Variants in ASAP1 observed in about 807,000 individuals in gnomAD.
The protein encoded by ASAP1 is ArfGAP with SH3 domain, ankyrin repeat and PH domain 1.
A neutral mutation model predicts 145.2 loss-of-function variants in ASAP1; 43 were observed. The ratio of observed to expected loss-of-function variants is 0.30; its 90% CI spans 0.23 to 0.38. ASAP1 has a LOEUF of 0.38. ASAP1 is among the 10% of genes least tolerant of loss of function. The probability of loss-of-function intolerance (pLI) is 1.00; values close to 1 mark genes in which losing one functional copy is unlikely to be tolerated. For synonymous variants in ASAP1, 546 were observed against 515.5 expected (o/e 1.06, Z -0.80); for missense variants, 1,018 against 1,355.3 (o/e 0.75, Z 3.91).
At chr8:130,185,465 C>T (rs577031994) in intron 7 of ASAP1, among the ~76,000 whole-genome samples, 1 of 152,264 alleles carries the variant, frequency 6.6e-6, no homozygotes, top group Non-Finnish European at 1.5e-5. Flanking sequence ...GGCATGGTGG[C>T]TCACGCCTGT....
chr8:130,165,774 C>A (rs2097678735), intron 11 of ASAP1, among the ~76,000 whole-genome samples: 1 of 152,092 alleles, frequency 6.6e-6, no homozygotes, highest in East Asian at 1.9e-4. Context: ...ATTTGGAGAA[C>A]CAGAAAAATA....
intron 27 of ASAP1, among the ~76,000 whole-genome samples, chr8:130,061,909 T>C (rs1394010192): frequency 6.6e-6 from 1 of 152,226 alleles, no homozygotes; most frequent in Admixed American, 6.5e-5. Context: ...ACTATGGACA[T>C]GTCTCCAATT....
At chr8:130,310,331 G>A (rs1019661828) in intron 3 of ASAP1, among the ~76,000 whole-genome samples, 1 of 152,052 alleles carries the variant, frequency 6.6e-6, no homozygotes, top group Non-Finnish European at 1.5e-5. Context: ...AAATTAAAAG[G>A]ACTGTTTTAA....
At chr8:130,226,155 G>A (rs548204163) in intron 4 of ASAP1, among the ~76,000 whole-genome samples, 10 of 151,578 alleles carry the variant, frequency 6.6e-5, no homozygotes, top group Non-Finnish European at 8.8e-5. Flanking sequence ...TGTGATTAAC[G>A]TTTTAAAAGC....
At chr8:130,118,745 C>A in intron 18 of ASAP1, 70 bp from the exon 19 acceptor site, 1 of 1,146,510 alleles carries the variant, frequency 8.7e-7, no homozygotes, top group Non-Finnish European at 1.2e-6. Context: ...TTCTGACAAA[C>A]ATTTCTCTTT....
chr8:130,261,576 A>G (rs936214586), intron 3 of ASAP1, among the ~76,000 whole-genome samples: 3 of 152,128 alleles, frequency 2.0e-5, no homozygotes, highest in African/African-American at 7.2e-5. Flanking sequence ...AGTAAAGATG[A>G]CCAGGAAGAC....
At chr8:130,439,751 C>T (rs535383610) in intron 1 of ASAP1, among the ~76,000 whole-genome samples, 8 of 152,276 alleles carry the variant, frequency 5.3e-5, no homozygotes, top group African/African-American at 1.7e-4. Flanking sequence ...GGGGGAAGAA[C>T]GTAAGCAGAC....
chr8:130,067,755 C>T (rs959696043), intron 27 of ASAP1, among the ~76,000 whole-genome samples: 3 of 152,146 alleles, frequency 2.0e-5, no homozygotes, highest in Admixed American at 1.3e-4. Context: ...TGCTTAATAG[C>T]TTTTCATCCA....
chr8:130,303,211 G>T (rs1822785555), intron 3 of ASAP1, among the ~76,000 whole-genome samples: 1 of 152,180 alleles, frequency 6.6e-6, no homozygotes, highest in African/African-American at 2.4e-5. Flanking sequence ...AATGGAATTT[G>T]TATTACACCT....
At position 130,116,662 on chromosome 8, in the gene ASAP1, G is replaced by A. The variant is rs138896132; in HGVS notation, c.2064+16C>T. 30 of 1,610,232 alleles carry A rather than the reference G, an allele frequency of 1.9e-5. No homozygotes were observed. In the East Asian group the frequency reaches 3.8e-4, roughly 20 times the overall value. The stretch of plus-strand genomic sequence containing the variant: ...AGCCAATGTCTAATAAATCTCCCAC[G>A]TCCATTTTTGCTTACCAGATCTTCA... On this transcript the variant is annotated intron_variant, in intron 22 of 29. Transcript: ENST00000518721.
intron 26 of ASAP1, among the ~76,000 whole-genome samples, chr8:130,078,484 C>T (rs1238016832): frequency 1.3e-5 from 2 of 152,028 alleles, no homozygotes; most frequent in East Asian, 3.9e-4. Flanking sequence ...CAAGGTCTTG[C>T]TATGTTGCCC....
chr8:130,118,248 T>G lies in ASAP1; in HGVS notation c.1795-2A>C. 6.2e-7 allele frequency: 1 copy of G among 1,613,346 alleles called. No homozygotes were observed. Among genetic ancestry groups the G allele is most frequent in the African/African-American group, 1.3e-5 (1 of 74,966 alleles). Reference sequence around the variant, plus strand: ...GTGAAGGGCTGTCTCCCCAAGCTCCTAAAAAGGGAAAGAAAAGTATAAGTA... The same window carrying G: ...GTGAAGGGCTGTCTCCCCAAGCTCCGAAAAAGGGAAAGAAAAGTATAAGTA... On this transcript the variant is annotated splice_acceptor_variant, in intron 19 of 29. Coordinates refer to ENST00000518721, the MANE Select transcript of ASAP1 (RefSeq NM_018482.4). LOFTEE classifies it high-confidence loss of function.
At chr8:130,081,024 G>C (rs981974973) in intron 25 of ASAP1, among the ~76,000 whole-genome samples, 1 of 152,236 alleles carries the variant, frequency 6.6e-6, no homozygotes, top group African/African-American at 2.4e-5. Flanking sequence ...TGCTCTCACA[G>C]AGCTTATGCT....
intron 13 of ASAP1, among the ~76,000 whole-genome samples, chr8:130,150,698 C>T (rs547757127): frequency 3.3e-5 from 5 of 151,914 alleles, no homozygotes; most frequent in African/African-American, 7.2e-5. Context: ...GGCAACACAG[C>T]GAAACCCCTA....
chr8:130,401,025 C>T (rs941999549), intron 2 of ASAP1, among the ~76,000 whole-genome samples: 8 of 151,674 alleles, frequency 5.3e-5, no homozygotes, highest in Non-Finnish European at 1.0e-4. Context: ...GGATTACAGG[C>T]GCCTGCCACC....
intron 5 of ASAP1, among the ~76,000 whole-genome samples, chr8:130,188,956 AT>A (rs1284422824): frequency 6.6e-6 from 1 of 151,330 alleles, no homozygotes; most frequent in Non-Finnish European, 1.5e-5. Flanking sequence ...TCCTTTTCAC[AT>A]TTTTTTATAG....
At chr8:130,091,849 T>G (rs760290310) in intron 25 of ASAP1, 124 bp downstream of exon 25, 14 of 1,054,964 alleles carry the variant, frequency 1.3e-5, no homozygotes, top group Non-Finnish European at 1.9e-5. Flanking sequence ...TATACCCGAG[T>G]CAGCACCCAG....
At chr8:130,123,827 AC>A (rs1230526434) in intron 18 of ASAP1, among the ~76,000 whole-genome samples, 185 bp downstream of exon 18, 3 of 151,108 alleles carry the variant, frequency 2.0e-5, no homozygotes, top group Non-Finnish European at 4.4e-5. Flanking sequence ...GACGGGTTTC[AC>A]CGTGTTAGCC....
chr8:130,265,312 T>C (rs1447664597), intron 3 of ASAP1, among the ~76,000 whole-genome samples: 3 of 152,176 alleles, frequency 2.0e-5, no homozygotes, highest in African/African-American at 7.2e-5. Flanking sequence ...GGCTCACCCC[T>C]GTAATCCTGG....
Sources: gnomAD v4.1 joint callset for allele counts (sites outside exome capture counted in the v4.1 genomes callset) on GRCh38, gnomAD v4.1.1 for gene constraint, MANE v1.5 for transcripts, NCBI Gene and HGNC (gene_info 2026-07-23, HGNC 2026-07-21) for gene names.